CAMK2D: variants seen among roughly 807,000 people sequenced by gnomAD.
The protein encoded by CAMK2D is calcium/calmodulin-dependent protein kinase type II subunit delta.
A neutral mutation model predicts 84.0 loss-of-function variants in CAMK2D; 37 were observed. The observed-to-expected ratio is 0.44, with a 90% CI of 0.34 to 0.58. The LOEUF is 0.58. CAMK2D is among the 20% of genes least tolerant of loss of function. The probability of loss-of-function intolerance (pLI) is 0.02; values close to 1 mark genes in which losing one functional copy is unlikely to be tolerated. For missense variants in CAMK2D, 448 were observed against 652.5 expected, an observed-to-expected ratio of 0.69 and a Z score of 3.41; for synonymous variants, 202 against 212.5, an observed-to-expected ratio of 0.95 and a Z score of 0.43.
chr4:113,507,549 G>A (rs1447583861), intron 13 of CAMK2D, among the ~76,000 whole-genome samples: 2 of 152,052 alleles, frequency 1.3e-5, no homozygotes, highest in African/African-American at 4.8e-5. Flanking sequence ...GATTACAGGT[G>A]TGAGACACCG....
At chr4:113,505,588 C>T (rs6533690) in intron 13 of CAMK2D, among the ~76,000 whole-genome samples, 82,993 of 138,876 alleles carry the variant, frequency 0.6, 22,431 homozygotes, top group African/African-American at 0.77. Flanking sequence ...TAGATCTCCT[C>T]TAAAAATTAC....
intron 2 of CAMK2D, among the ~76,000 whole-genome samples, chr4:113,719,144 T>C (rs1278129347): frequency 6.6e-6 from 1 of 152,198 alleles, no homozygotes; most frequent in Non-Finnish European, 1.5e-5. Flanking sequence ...CCCTATGTCT[T>C]GCATCCTTTA....
chr4:113,688,767 C>T (rs966188855), intron 2 of CAMK2D, among the ~76,000 whole-genome samples: 12 of 152,086 alleles, frequency 7.9e-5, no homozygotes, highest in African/African-American at 2.4e-4. Context: ...TTCCACTAAA[C>T]GAGGCCACCT....
chr4:113,464,519 C>A (rs1429642145), intron 17 of CAMK2D, among the ~76,000 whole-genome samples: 1 of 152,190 alleles, frequency 6.6e-6, no homozygotes, highest in East Asian at 1.9e-4. Flanking sequence ...GATTCAATCT[C>A]CGTTTTGCAT....
intron 2 of CAMK2D, among the ~76,000 whole-genome samples, chr4:113,750,583 T>C (rs1393411828): frequency 6.6e-6 from 1 of 152,232 alleles, no homozygotes; most frequent in Non-Finnish European, 1.5e-5. Flanking sequence ...GTCTGTCTTT[T>C]ACCTCTGGAT....
intron 2 of CAMK2D, among the ~76,000 whole-genome samples, chr4:113,675,456 A>G (rs571334672): frequency 6.6e-6 from 1 of 152,356 alleles, no homozygotes; most frequent in East Asian, 1.9e-4. Flanking sequence ...AAAGTTTACA[A>G]ACATGAATGG....
chr4:113,700,400 T>C (rs1238625557), intron 2 of CAMK2D, among the ~76,000 whole-genome samples: 3 of 152,132 alleles, frequency 2.0e-5, no homozygotes, highest in Non-Finnish European at 2.9e-5. Flanking sequence ...GCAGTAACAG[T>C]GGTAAGAAAG....
chr4:113,460,108 T>C (rs773115007), intron 18 of CAMK2D, 39 bp downstream of exon 18: 3 of 1,206,392 alleles, frequency 2.5e-6, no homozygotes, highest in Non-Finnish European at 3.7e-6. Context: ...TTCAGAGAGG[T>C]TTAAAAAGGG....
At chr4:113,507,281 G>A (rs1463237583) in intron 13 of CAMK2D, among the ~76,000 whole-genome samples, 1 of 150,438 alleles carries the variant, frequency 6.6e-6, no homozygotes, top group Non-Finnish European at 1.5e-5. Context: ...ATGGAGTTTC[G>A]CTCTTGTTGC....
intron 12 of CAMK2D, among the ~76,000 whole-genome samples, chr4:113,511,562 T>C (rs897374344): frequency 1.3e-5 from 2 of 152,232 alleles, no homozygotes; most frequent in Admixed American, 6.5e-5. Context: ...ATTTATGCTA[T>C]ATAAATCACT....
intron 2 of CAMK2D, among the ~76,000 whole-genome samples, chr4:113,702,179 T>C (rs1233783131): frequency 6.6e-6 from 1 of 152,228 alleles, no homozygotes; most frequent in African/African-American, 2.4e-5. Flanking sequence ...GTAACATTAC[T>C]AAGAGGTTAC....
intron 1 of CAMK2D, among the ~76,000 whole-genome samples, chr4:113,760,389 G>A (rs979692218): frequency 2.6e-5 from 4 of 152,188 alleles, no homozygotes; most frequent in Non-Finnish European, 5.9e-5. Flanking sequence ...GATGGTGAGC[G>A]GTAATCTGGT....
intron 3 of CAMK2D, among the ~76,000 whole-genome samples, chr4:113,635,104 G>T (rs898689325): frequency 7.2e-5 from 11 of 152,204 alleles, no homozygotes; most frequent in African/African-American, 2.7e-4. Context: ...GATTGCTAAT[G>T]CTGTATGCGA....
At chr4:113,758,277 C>T (rs554457595) in intron 2 of CAMK2D, among the ~76,000 whole-genome samples, 26 of 152,190 alleles carry the variant, frequency 1.7e-4, no homozygotes, top group African/African-American at 5.3e-4. Flanking sequence ...AACAACAACC[C>T]ATGTGAATGG....
chr4:113,682,469 T>C (rs949651356), intron 2 of CAMK2D, among the ~76,000 whole-genome samples: 3 of 152,062 alleles, frequency 2.0e-5, no homozygotes, highest in Non-Finnish European at 4.4e-5. Context: ...ATTTCCAAAA[T>C]TTATAATGAG....
intron 8 of CAMK2D, among the ~76,000 whole-genome samples, chr4:113,524,488 G>C (rs1389245358): frequency 6.6e-6 from 1 of 152,120 alleles, no homozygotes; most frequent in Non-Finnish European, 1.5e-5. Context: ...TTTTAAGGTT[G>C]TATAATATAC....
At chr4:113,500,345 T>C (rs896730189) in intron 16 of CAMK2D, 118 bp downstream of exon 16, 2 of 501,028 alleles carry the variant, frequency 4.0e-6, no homozygotes, top group African/African-American at 2.0e-5. Context: ...AAATAAAATA[T>C]TTTTGTGCTT....
intron 3 of CAMK2D, among the ~76,000 whole-genome samples, chr4:113,639,271 G>GA (rs970198705): frequency 1.4e-4 from 21 of 151,236 alleles, no homozygotes; most frequent in African/African-American, 4.9e-4. Flanking sequence ...GAAGGAAAAA[G>GA]AAAAAAAATG....
Position 113,761,052 on chromosome 4 carries a change from G to A in CAMK2D, c.17C>T (p.Thr6Ile), listed in dbSNP as rs773637442. Residue 6 changes from threonine (T) to isoleucine (I), a missense_variant, in exon 1 of 21, where the codon ACC (threonine) becomes ATC (isoleucine). By Grantham distance (89) the Thr-to-Ile change is moderately conservative. This residue lies in a region of CAMK2D where 44 missense variants were observed against 45.6 expected (regional missense o/e 0.96). Coordinates refer to ENST00000511664, the MANE Select transcript of CAMK2D (RefSeq NM_001321571.2). MASTT[T>I]CTRFTDEYQL... ...ATACTCGTCCGTGAACCTGGTGCAG[G>A]TTGTGGTCGAAGCCATCCTCGGTCC... The A allele has an allele frequency of 3.7e-6, 6 of 1,614,214 alleles. No homozygotes were observed. Among genetic ancestry groups the A allele is most frequent in the Non-Finnish European group, 4.2e-6 (5 of 1,180,032 alleles).
Sources: gnomAD v4.1 joint callset for allele counts (sites outside exome capture counted in the v4.1 genomes callset) on GRCh38, gnomAD v4.1.1 for gene constraint, gnomAD v4.1.1 regional missense constraint, MANE v1.5 for transcripts, NCBI Gene and HGNC (gene_info 2026-07-23, HGNC 2026-07-21) for gene names.